ST3GAL5: variants seen among roughly 807,000 people sequenced by gnomAD.
ST3GAL5 encodes the protein lactosylceramide alpha-2,3-sialyltransferase.
A neutral mutation model predicts 46.1 loss-of-function variants in ST3GAL5; 25 were observed. That is an observed-to-expected ratio of 0.54 (90% CI 0.40 to 0.76). ST3GAL5 has a LOEUF of 0.76. ST3GAL5 is among the 30% of genes least tolerant of loss of function. ST3GAL5 has a pLI of 0.00. For missense variants in ST3GAL5, 431 were observed against 521.2 expected, an observed-to-expected ratio of 0.83 and a Z score of 1.69; for synonymous variants, 182 against 192.7, an observed-to-expected ratio of 0.94 and a Z score of 0.46.
chr2:85,853,077 G>A (rs763659230), intron 3 of ST3GAL5: 29 of 1,304,080 alleles, frequency 2.2e-5, no homozygotes, highest in Non-Finnish European at 2.8e-5. Context: ...AATGCCATCC[G>A]CAGGGAGATA....
At chr2:85,852,570 G>A (rs960750411) in intron 3 of ST3GAL5, among the ~76,000 whole-genome samples, 2 of 152,162 alleles carry the variant, frequency 1.3e-5, no homozygotes, top group Admixed American at 1.3e-4. Context: ...AGCCTGGGGT[G>A]GGGTTGAGGG....
chr2:85,839,718 T>G lies in ST3GAL5; in HGVS notation c.*426A>C. 1 of 297,440 alleles carries G rather than the reference T, an allele frequency of 3.4e-6. No individual in the cohort carries two copies. Among genetic ancestry groups the G allele is most frequent in the South Asian group, 3.1e-5 (1 of 32,058 alleles). 18.4% of individuals were successfully genotyped at this position (297,440 alleles called of 1,614,324 possible). A position where few individuals can be genotyped will look rare whatever the true frequency, so the allele number is the denominator to read the frequency against. On this transcript the variant is annotated 3_prime_UTR_variant, in exon 7 of 7. Transcript: ENST00000638572. Reference sequence around the variant, plus strand: ...ATCCTGGGAGTGGATCCTCCGTGGGTCACACCAAGCAGCGCAGCAGGGAAC... The same window carrying G: ...ATCCTGGGAGTGGATCCTCCGTGGGGCACACCAAGCAGCGCAGCAGGGAAC...
At position 85,846,370 on chromosome 2, in the gene ST3GAL5, T is replaced by C. The variant is rs1348329177; in HGVS notation, c.849+7A>G. 2 of 1,613,444 alleles carry C rather than the reference T, an allele frequency of 1.2e-6. No homozygotes were observed. Among genetic ancestry groups the C allele is most frequent in the African/African-American group, 1.3e-5 (1 of 75,048 alleles). On this transcript the variant is annotated splice_region_variant and intron_variant, in intron 5 of 6. Transcript: ENST00000638572. Reference sequence around the variant, plus strand: ...AAGGCAGATTTAATAGAAGTATTAGTGCTTACCAGGGTTTCCTTTTTTACC... The same window carrying C: ...AAGGCAGATTTAATAGAAGTATTAGCGCTTACCAGGGTTTCCTTTTTTACC...
intron 1 of ST3GAL5, chr2:85,865,982 A>G (rs1373964876): frequency 1.3e-5 from 2 of 152,238 alleles, no homozygotes; most frequent in African/African-American, 2.4e-5. Context: ...GAAGGTGTCT[A>G]CATGTGACTC....
At position 85,851,206 on chromosome 2, in the gene ST3GAL5, C is replaced by T. The variant is rs911179275; in HGVS notation, c.319-3002G>A. Reference sequence around the variant, plus strand: ...CTGGGATTATAGATGTGAGCCACCACGCCCAGCCCAAACTTAATTTTCTAG... The same window carrying T: ...CTGGGATTATAGATGTGAGCCACCATGCCCAGCCCAAACTTAATTTTCTAG... On this transcript the variant is annotated intron_variant, in intron 3 of 6. Transcript: ENST00000638572. 30 of 1,035,578 alleles carry T rather than the reference C, an allele frequency of 2.9e-5. No homozygotes were observed. In the African/African-American group the frequency reaches 3.3e-4, roughly 12 times the overall value. 64.1% of individuals were successfully genotyped at this position (1,035,578 alleles called of 1,614,324 possible). A position where few individuals can be genotyped will look rare whatever the true frequency, so the allele number is the denominator to read the frequency against.
chr2:85,872,584 C>CA lies in ST3GAL5; in HGVS notation c.83-9100dup, dbSNP rs11298476. On this transcript the variant is annotated intron_variant, in intron 1 of 6. Transcript: ENST00000638572. ...GGCAACAGAAAGAAAAGCTCCATCT[C>CA]AAAAAAAAAAAAAAAATGTCCAGGA... 3.7e-3 allele frequency among the ~76,000 whole-genome samples: 502 copies of CA among 136,842 alleles called. 5 individuals are homozygous for CA. The highest frequency in any genetic ancestry group is 0.011 in the East Asian group (51 of 4,674). 89.8% of individuals were successfully genotyped at this position (136,842 alleles called of 152,430 possible).
chr2:85,846,488 C>G lies in ST3GAL5; in HGVS notation c.738G>C (p.Glu246Asp), dbSNP rs755264272. Residue 246 changes from glutamate to aspartate, a missense_variant, in exon 5 of 7, where the codon GAG (glutamate) becomes GAC (aspartate). By Grantham distance (45) the Glu-to-Asp change is conservative. Transcript: ENST00000638572. ...ATTCAAGGTCAGACAGTGGTGCGCC[C>G]TCTGGATAAGTCATCCTTATAGTAG... is the stretch of plus-strand genomic sequence containing the variant. ...NKTTIRMTYP[E>D]GAPLSDLEYY... The G allele has an allele frequency of 4.1e-5, 66 of 1,614,060 alleles. No homozygotes were observed. Among genetic ancestry groups the G allele is most frequent in the Non-Finnish European group, 5.4e-5 (64 of 1,180,036 alleles).
intron 1 of ST3GAL5, among the ~76,000 whole-genome samples, chr2:85,878,172 C>A (rs1291833182): frequency 6.6e-6 from 1 of 152,244 alleles, no homozygotes; most frequent in Non-Finnish European, 1.5e-5. Context: ...CTACTCTCAA[C>A]TGATGACCAG....
At chr2:85,856,627 T>C (rs945075679) in intron 3 of ST3GAL5, among the ~76,000 whole-genome samples, 1 of 151,946 alleles carries the variant, frequency 6.6e-6, no homozygotes, top group African/African-American at 2.4e-5. Context: ...TGGAGTGCAG[T>C]GGCATGATTA....
intron 2 of ST3GAL5, among the ~76,000 whole-genome samples, chr2:85,862,266 G>A (rs1015082174): frequency 1.3e-5 from 2 of 151,626 alleles, no homozygotes; most frequent in Admixed American, 6.6e-5. Flanking sequence ...GTTTGGGCAC[G>A]GGGCATGGCA....
At chr2:85,871,173 A>G (rs1273049796) in intron 1 of ST3GAL5, among the ~76,000 whole-genome samples, 1 of 152,076 alleles carries the variant, frequency 6.6e-6, no homozygotes, top group East Asian at 1.9e-4. Context: ...AGTAGCTGGA[A>G]CTATAGGTGT....
Position 85,888,892 on chromosome 2 carries a change from G to T in ST3GAL5, c.14C>A (p.Ala5Glu), listed in dbSNP as rs1231190923. MRTK[A>E]AGCAERRPLQ... ...GGGACGCCGCTCCGCGCAGCCCGCC[G>T]CCTTCGTCCGCATACTAATGAGGGG... Residue 5 changes from alanine to glutamate, a missense_variant, in exon 1 of 7, where the codon GCG becomes GAG. Transcript: ENST00000638572. 4 of 1,372,836 alleles carry T rather than the reference G, an allele frequency of 2.9e-6. No individual in the cohort carries two copies. Among genetic ancestry groups the T allele is most frequent in the Non-Finnish European group, 3.8e-6 (4 of 1,056,004 alleles). The allele number at this position is 1,372,836 out of a possible 1,614,324, so 85.0% of individuals were successfully genotyped here.
chr2:85,884,781 C>G (rs758589022), intron 1 of ST3GAL5, among the ~76,000 whole-genome samples: 1 of 152,160 alleles, frequency 6.6e-6, no homozygotes, highest in African/African-American at 2.4e-5. Flanking sequence ...AGAAACGACA[C>G]GTGTAACAGA....
chr2:85,840,084 A>G lies in ST3GAL5; in HGVS notation c.*60T>C, dbSNP rs1176255503. The G allele has an allele frequency of 5.0e-6, 8 of 1,612,636 alleles. No individual in the cohort carries two copies. Among genetic ancestry groups the G allele is most frequent in the Non-Finnish European group, 5.9e-6 (7 of 1,179,082 alleles). ...CTGCAGGATGGAGAAATACATCAAGAAGGCTGTCAAAAACAGCTCTCAGAG... is the reference window on the plus strand; with the variant it reads ...CTGCAGGATGGAGAAATACATCAAGGAGGCTGTCAAAAACAGCTCTCAGAG... On this transcript the variant is annotated 3_prime_UTR_variant, in exon 7 of 7. Transcript: ENST00000638572.
chr2:85,864,595 AG>A (rs966778128), intron 1 of ST3GAL5, among the ~76,000 whole-genome samples: 7 of 86,566 alleles, frequency 8.1e-5, no homozygotes, highest in African/African-American at 2.4e-4. Context: ...AAAAAAAAAA[AG>A]AAAAAGAGAG....
chr2:85,848,313 T>C (rs1320775316), intron 3 of ST3GAL5, 109 bp from the exon 4 acceptor site: 5 of 1,607,410 alleles, frequency 3.1e-6, no homozygotes, highest in African/African-American at 1.3e-5. Context: ...CCCGTGTTGA[T>C]TACTGTCTTT....
intron 1 of ST3GAL5, among the ~76,000 whole-genome samples, chr2:85,878,001 C>T (rs1373764600): frequency 1.3e-5 from 2 of 152,270 alleles, no homozygotes; most frequent in Admixed American, 1.3e-4. Flanking sequence ...CACAAAGTGT[C>T]CAGTGGCAGC....
At chr2:85,886,454 T>G (rs1687770507) in intron 1 of ST3GAL5, among the ~76,000 whole-genome samples, 1 of 151,948 alleles carries the variant, frequency 6.6e-6, no homozygotes, top group Non-Finnish European at 1.5e-5. Flanking sequence ...TTGATCTAAG[T>G]GCTGAGTGCA....
Position 85,854,101 on chromosome 2 carries a change from T to C in ST3GAL5, c.319-5897A>G, listed in dbSNP as rs151287596. On this transcript the variant is annotated intron_variant, in intron 3 of 6. Transcript: ENST00000638572. Reference sequence around the variant, plus strand: ...CCCCCCATTCCTTCCTCTTTCTCTATGAAAAATTACAGGGGACTTTCTCCT... The same window carrying C: ...CCCCCCATTCCTTCCTCTTTCTCTACGAAAAATTACAGGGGACTTTCTCCT... The C allele has an allele frequency of 3.5e-4, 53 of 152,330 alleles. 2 individuals are homozygous for C. Among genetic ancestry groups the C allele is most frequent in the African/African-American group, 1.2e-3 (49 of 41,572 alleles). The allele number at this position is 152,330 out of a possible 1,614,324, so 9.4% of individuals were successfully genotyped here.
Sources: gnomAD v4.1 joint callset for allele counts (sites outside exome capture counted in the v4.1 genomes callset) on GRCh38, gnomAD v4.1.1 for gene constraint, MANE v1.5 for transcripts, NCBI Gene and HGNC (gene_info 2026-07-23, HGNC 2026-07-21) for gene names.